RAPGEF6: variants seen among roughly 807,000 people sequenced by gnomAD.
The protein encoded by RAPGEF6 is Rap guanine nucleotide exchange factor 6.
In RAPGEF6, 56 loss-of-function variants were observed where a neutral mutation model predicts 171.4. That is an observed-to-expected ratio of 0.33 (90% CI 0.26 to 0.41). The LOEUF is 0.41. RAPGEF6 is among the 10% of genes least tolerant of loss of function. The probability of loss-of-function intolerance (pLI) is 1.00; values close to 1 mark genes in which losing one functional copy is unlikely to be tolerated. For missense variants in RAPGEF6, 1,674 were observed against 1,921.4 expected (o/e 0.87, Z 2.41); for synonymous variants, 692 against 650.1 (o/e 1.06, Z -0.98).
intron 16 of RAPGEF6, among the ~76,000 whole-genome samples, chr5:131,478,050 AT>A (rs10706022): frequency 0.072 from 10,932 of 152,070 alleles, 947 homozygotes; most frequent in African/African-American, 0.21. Context: ...GACATTCAAA[AT>A]TTTGGTATTT....
intron 6 of RAPGEF6, among the ~76,000 whole-genome samples, chr5:131,528,373 G>A (rs1195090504): frequency 7.9e-6 from 1 of 126,426 alleles, no homozygotes; most frequent in African/African-American, 3.2e-5. Flanking sequence ...ATGGCAGTAT[G>A]GAGCCTGTTT....
At chr5:131,596,932 C>T (rs1289789027) in intron 3 of RAPGEF6, among the ~76,000 whole-genome samples, 1 of 151,968 alleles carries the variant, frequency 6.6e-6, no homozygotes, top group South Asian at 2.1e-4. Context: ...GCAAAGGAAA[C>T]AACTGACAAA....
At chr5:131,545,592 C>T (rs937275795) in intron 6 of RAPGEF6, among the ~76,000 whole-genome samples, 4 of 152,198 alleles carry the variant, frequency 2.6e-5, no homozygotes, top group African/African-American at 9.7e-5. Flanking sequence ...TACATAGCAT[C>T]CTTACCTAGA....
intron 24 of RAPGEF6, among the ~76,000 whole-genome samples, chr5:131,435,281 T>C (rs1175038469): frequency 6.6e-6 from 1 of 152,200 alleles, no homozygotes; most frequent in Non-Finnish European, 1.5e-5. Flanking sequence ...CTATCATACA[T>C]CTCTGAACTT....
intron 15 of RAPGEF6, among the ~76,000 whole-genome samples, chr5:131,485,059 T>A (rs1755786349): frequency 6.6e-6 from 1 of 152,116 alleles, no homozygotes; most frequent in Non-Finnish European, 1.5e-5. Context: ...CCCAAGTAGC[T>A]GGGACTACAG....
At position 131,529,933 on chromosome 5, in the gene RAPGEF6, G is replaced by A. The variant is rs536152222; in HGVS notation, c.496-8412C>T. Among the ~76,000 whole-genome samples, 3 of 142,700 alleles carry A rather than the reference G, an allele frequency of 2.1e-5. No homozygotes were observed. The South Asian group carries it at 6.9e-4, about 33-fold the overall frequency. 93.6% of individuals were successfully genotyped at this position (142,700 alleles called of 152,430 possible). On this transcript the variant is annotated intron_variant, in intron 6 of 27. Transcript: ENST00000509018. ...TTTTTTTTTTTTTTTTTGAGACAGG[G>A]TCTCACCCTGTCCACCCAGGCTAGA... is the stretch of plus-strand genomic sequence containing the variant.
chr5:131,496,852 G>C (rs1018949315), intron 12 of RAPGEF6, among the ~76,000 whole-genome samples: 5 of 152,048 alleles, frequency 3.3e-5, no homozygotes, highest in African/African-American at 1.2e-4. Context: ...TTAATTCTCT[G>C]GGTATTTACC....
intron 5 of RAPGEF6, among the ~76,000 whole-genome samples, chr5:131,560,685 T>A (rs1357589999): frequency 6.6e-6 from 1 of 152,154 alleles, no homozygotes; most frequent in Non-Finnish European, 1.5e-5. Context: ...AAAACTTGAA[T>A]TCAAGAAACA....
chr5:131,549,283 G>A (rs1165648885), intron 5 of RAPGEF6, among the ~76,000 whole-genome samples: 1 of 151,978 alleles, frequency 6.6e-6, no homozygotes, highest in African/African-American at 2.4e-5. Context: ...GGTGGTTTTA[G>A]TTTTCCCCCA....
chr5:131,450,594 C>A (rs1391340745), intron 21 of RAPGEF6, among the ~76,000 whole-genome samples: 2 of 152,232 alleles, frequency 1.3e-5, no homozygotes, highest in Non-Finnish European at 2.9e-5. Flanking sequence ...TCATTAAAAT[C>A]TTCATAATAC....
chr5:131,438,303 TG>T (rs2149810665), intron 24 of RAPGEF6, among the ~76,000 whole-genome samples: 1 of 152,344 alleles, frequency 6.6e-6, no homozygotes, highest in Admixed American at 6.5e-5. Context: ...ATAAATTACT[TG>T]TAGTAACACA....
chr5:131,424,499 A>G lies in RAPGEF6; in HGVS notation c.*2767T>C, dbSNP rs1234988044. ...CTTTTTCTCCTCCTTCCTTTTTTGT[A>G]GAGGAAAGAACACTTGATAAAAATT... On this transcript the variant is annotated 3_prime_UTR_variant, in exon 28 of 28. Coordinates refer to ENST00000509018, the MANE Select transcript of RAPGEF6 (RefSeq NM_016340.6). The G allele has an allele frequency of 2.0e-5, 3 of 152,298 alleles. No individual in the cohort carries two copies. The highest frequency in any genetic ancestry group is 6.5e-5 in the Admixed American group (1 of 15,272). The allele number at this position is 152,298 out of a possible 1,614,324, so 9.4% of individuals were successfully genotyped here.
chr5:131,478,317 A>G (rs1755245334), intron 16 of RAPGEF6, among the ~76,000 whole-genome samples: 1 of 152,178 alleles, frequency 6.6e-6, no homozygotes, highest in Non-Finnish European at 1.5e-5. Context: ...GTTGCCTCCC[A>G]ATTGTTCTCT....
At chr5:131,503,351 G>A (rs1478994548) in intron 11 of RAPGEF6, among the ~76,000 whole-genome samples, 1 of 152,146 alleles carries the variant, frequency 6.6e-6, no homozygotes, top group Non-Finnish European at 1.5e-5. Flanking sequence ...TATAAAGTTT[G>A]AAATTATTTA....
At chr5:131,556,819 T>C (rs1040907101) in intron 5 of RAPGEF6, among the ~76,000 whole-genome samples, 6 of 152,194 alleles carry the variant, frequency 3.9e-5, no homozygotes, top group Admixed American at 3.3e-4. Flanking sequence ...TAAGGTAAAC[T>C]AACAAAAAGT....
intron 8 of RAPGEF6, among the ~76,000 whole-genome samples, chr5:131,509,951 G>T (rs1014748424): frequency 6.6e-6 from 1 of 152,200 alleles, no homozygotes. Flanking sequence ...TTAGGGGGAA[G>T]CCTAAGTTCC....
chr5:131,566,044 G>A (rs1392618001), intron 4 of RAPGEF6, among the ~76,000 whole-genome samples: 5 of 152,032 alleles, frequency 3.3e-5, no homozygotes, highest in Non-Finnish European at 7.4e-5. Flanking sequence ...TTACTCGGAA[G>A]GTTGAGGCAG....
intron 6 of RAPGEF6, among the ~76,000 whole-genome samples, chr5:131,523,695 A>G (rs1194684069): frequency 2.0e-5 from 3 of 152,182 alleles, no homozygotes; most frequent in Non-Finnish European, 2.9e-5. Flanking sequence ...GAGAAGAGCA[A>G]GTACACAGAA....
intron 6 of RAPGEF6, among the ~76,000 whole-genome samples, chr5:131,521,840 TACACACACACACACAC>T (rs3992018): frequency 0.024 from 2,372 of 97,256 alleles, 33 homozygotes; most frequent in African/African-American, 0.03. Flanking sequence ...AATGTTACCC[TACACACACACACACAC>T]ACACACACAC....
Sources: gnomAD v4.1 joint callset for allele counts (sites outside exome capture counted in the v4.1 genomes callset) on GRCh38, gnomAD v4.1.1 for gene constraint, MANE v1.5 for transcripts, NCBI Gene and HGNC (gene_info 2026-07-23, HGNC 2026-07-21) for gene names.